Variants in RCOR1 observed in about 807,000 individuals in gnomAD.
RCOR1 encodes REST corepressor.
A neutral mutation model predicts 64.0 loss-of-function variants in RCOR1; 12 were observed. The observed-to-expected ratio is 0.19, with a 90% CI of 0.12 to 0.30. The LOEUF (loss-of-function observed/expected upper bound fraction) is 0.30, where lower values mean the gene tolerates loss of function less well. Among genes scored for constraint, RCOR1 ranks in the 10% least tolerant of loss-of-function variants. The pLI is 1.00. For missense variants in RCOR1, 502 were observed against 621.2 expected (o/e 0.81, Z 2.04); for synonymous variants, 279 against 227.2 (o/e 1.23, Z -2.05).
chr14:102,698,728 G>A (rs1017905389), intron 3 of RCOR1, among the ~76,000 whole-genome samples: 1 of 152,102 alleles, frequency 6.6e-6, no homozygotes, highest in Non-Finnish European at 1.5e-5. Flanking sequence ...GCTGCCATTT[G>A]CATCTCATCT....
At position 102,728,799 on chromosome 14, in the gene RCOR1, G is replaced by A. The variant is rs956561393; in HGVS notation, c.*2293G>A. 6.6e-6 allele frequency: 1 copy of A among 152,128 alleles called. No individual in the cohort carries two copies. The highest frequency in any genetic ancestry group is 1.5e-5 in the Non-Finnish European group (1 of 68,046). 9.4% of individuals were successfully genotyped at this position (152,128 alleles called of 1,614,324 possible). A position where few individuals can be genotyped will look rare whatever the true frequency, so the allele number is the denominator to read the frequency against. ...TGGGCTTTCTCCCCGAGAGGAAGGGGCATGTCATTTTTATTTGACAGAGGG... is the reference window on the plus strand; with the variant it reads ...TGGGCTTTCTCCCCGAGAGGAAGGGACATGTCATTTTTATTTGACAGAGGG... On this transcript the variant is annotated 3_prime_UTR_variant, in exon 12 of 12. Transcript: ENST00000262241.
intron 2 of RCOR1, among the ~76,000 whole-genome samples, chr14:102,618,463 C>T (rs1318406148): frequency 1.3e-5 from 2 of 151,812 alleles, no homozygotes; most frequent in Non-Finnish European, 2.9e-5. Flanking sequence ...AAAAAAAAAG[C>T]GCTGGGCATG....
At chr14:102,678,222 A>AGAGGGG in intron 2 of RCOR1, among the ~76,000 whole-genome samples, 1 of 147,250 alleles carries the variant, frequency 6.8e-6, no homozygotes, top group African/African-American at 2.5e-5. Context: ...GAGGGAGACG[A>AGAGGGG]GAGGGAGAGG....
At chr14:102,637,325 C>T (rs1033371636) in intron 2 of RCOR1, among the ~76,000 whole-genome samples, 1 of 151,894 alleles carries the variant, frequency 6.6e-6, no homozygotes, top group Non-Finnish European at 1.5e-5. Flanking sequence ...CGGGGTTTTA[C>T]TATGTTGGTG....
chr14:102,684,565 T>C (rs2139963562), intron 3 of RCOR1, among the ~76,000 whole-genome samples: 1 of 152,294 alleles, frequency 6.6e-6, no homozygotes, highest in East Asian at 1.9e-4. Context: ...AGCAATGATT[T>C]CTACTCTGGG....
At chr14:102,642,877 A>G (rs1370132052) in intron 2 of RCOR1, among the ~76,000 whole-genome samples, 1 of 152,090 alleles carries the variant, frequency 6.6e-6, no homozygotes, top group Non-Finnish European at 1.5e-5. Context: ...ATCGGCAGAA[A>G]AGTATTCTGA....
At chr14:102,685,089 C>T (rs199946487) in intron 3 of RCOR1, among the ~76,000 whole-genome samples, 10 of 149,270 alleles carry the variant, frequency 6.7e-5, no homozygotes, top group African/African-American at 1.7e-4. Context: ...TTTTTTTTTT[C>T]CTCTTCTTTT....
rs1896338795 is a variant in RCOR1, at chr14:102,729,975, TC to T, written c.*3471del. ...TAGCCAGGTCACCTAAACCTAGTGG[TC>T]CTGTGCGATGCTCTTTCTGCCAGTC... On this transcript the variant is annotated 3_prime_UTR_variant, in exon 12 of 12. Coordinates refer to ENST00000262241, the MANE Select transcript of RCOR1 (RefSeq NM_015156.4). 7.5e-6 allele frequency: 3 copies of T among 399,064 alleles called. 1 individual carries two copies. The highest frequency in any genetic ancestry group is 1.3e-5 in the Non-Finnish European group (3 of 226,070). The allele number at this position is 399,064 out of a possible 1,614,324, so 24.7% of individuals were successfully genotyped here. A position where few individuals can be genotyped will look rare whatever the true frequency, so the allele number is the denominator to read the frequency against.
In RCOR1 at chr14:102,592,792, C is replaced by T; in HGVS notation, c.-95C>T. 7 of 1,186,164 alleles carry T rather than the reference C, an allele frequency of 5.9e-6. No homozygotes were observed. Among genetic ancestry groups the T allele is most frequent in the Non-Finnish European group, 7.3e-6 (7 of 958,388 alleles). 73.5% of individuals were successfully genotyped at this position (1,186,164 alleles called of 1,614,324 possible). Reference sequence around the variant, plus strand: ...GTGGGCTCCCGCCGCGCCCGCCCGGCCCCGCGCCGGCCCCGCGCCCCCTCC... The same window carrying T: ...GTGGGCTCCCGCCGCGCCCGCCCGGTCCCGCGCCGGCCCCGCGCCCCCTCC... On this transcript the variant is annotated 5_prime_UTR_variant, in exon 1 of 12. Coordinates refer to ENST00000262241, the MANE Select transcript of RCOR1 (RefSeq NM_015156.4).
In RCOR1 at chr14:102,729,120, A is replaced by G. The variant is rs1896322846; in HGVS notation, c.*2614A>G. 1 of 152,656 alleles carries G rather than the reference A, an allele frequency of 6.6e-6. No individual in the cohort carries two copies. 9.5% of individuals were successfully genotyped at this position (152,656 alleles called of 1,614,324 possible). A position where few individuals can be genotyped will look rare whatever the true frequency, so the allele number is the denominator to read the frequency against. On this transcript the variant is annotated 3_prime_UTR_variant, in exon 12 of 12. Coordinates refer to ENST00000262241, the MANE Select transcript of RCOR1 (RefSeq NM_015156.4). ...GTCATAATTATATATATTTTTGTGG[A>G]AAATTTTCTCCTAAGTATAAGTTAT...
intron 3 of RCOR1, among the ~76,000 whole-genome samples, chr14:102,693,978 G>A (rs1417910243): frequency 6.6e-6 from 1 of 152,052 alleles, no homozygotes; most frequent in Admixed American, 6.6e-5. Flanking sequence ...GGCTATAAGT[G>A]TGAGCCACTG....
intron 2 of RCOR1, among the ~76,000 whole-genome samples, chr14:102,606,473 G>A (rs985385291): frequency 6.6e-6 from 1 of 152,176 alleles, no homozygotes; most frequent in Non-Finnish European, 1.5e-5. Context: ...CGTGGATATA[G>A]GGAGTTCAGC....
intron 2 of RCOR1, among the ~76,000 whole-genome samples, chr14:102,653,186 T>C (rs1184131934): frequency 6.6e-6 from 1 of 152,062 alleles, no homozygotes; most frequent in Non-Finnish European, 1.5e-5. Context: ...CCTCCCAAAG[T>C]GCTGGGATTA....
chr14:102,650,841 A>G, intron 2 of RCOR1: 1 of 227,388 alleles, frequency 4.4e-6, no homozygotes. Flanking sequence ...TTAGGAACTG[A>G]CTTGAGATAT....
At chr14:102,630,001 A>T in intron 2 of RCOR1, 1 of 977,258 alleles carries the variant, frequency 1.0e-6, no homozygotes, top group Non-Finnish European at 1.2e-6. Flanking sequence ...TGTGTAAGGC[A>T]GAAGTGGGGA....
At chr14:102,681,311 C>T (rs562542254) in intron 2 of RCOR1, among the ~76,000 whole-genome samples, 197 of 152,284 alleles carry the variant, frequency 1.3e-3, no homozygotes, top group African/African-American at 4.2e-3. Context: ...GAGTCTTTGC[C>T]TTCTGAAGAT....
Position 102,593,310 on chromosome 14 carries a change from C to T in RCOR1, c.346C>T (p.Pro116Ser). 1 of 1,547,412 alleles carries T rather than the reference C, an allele frequency of 6.5e-7. No homozygotes were observed. The highest frequency in any genetic ancestry group is 1.2e-5 in the South Asian group (1 of 84,090). The change falls in exon 2 of 12, where the codon CCC becomes TCC. Residue 116 changes from proline (P) to serine (S), a missense_variant. Pro to Ser is a moderately conservative substitution (Grantham distance 74, BLOSUM62 -1). Transcript: ENST00000262241. ...CGGACCCCAGTACCAGGCGGTGGTG[C>T]CCGACTTCGACCCCGGTGAGTAGCG... Reference protein sequence around the residue: ...RVGPQYQAVVPDFDPAKLARR... With the variant: ...RVGPQYQAVVSDFDPAKLARR...
intron 2 of RCOR1, among the ~76,000 whole-genome samples, chr14:102,641,711 A>G (rs1057090171): frequency 1.0e-3 from 158 of 152,300 alleles, no homozygotes; most frequent in Non-Finnish European, 1.7e-3. Context: ...TTTTACTCAT[A>G]TAAGGAAAGT....
chr14:102,600,140 G>A (rs1893359663), intron 2 of RCOR1, among the ~76,000 whole-genome samples: 1 of 152,164 alleles, frequency 6.6e-6, no homozygotes, highest in African/African-American at 2.4e-5. Context: ...GTGCTGGAGT[G>A]CAGTGGCGCG....
Sources: allele counts gnomAD v4.1 joint callset (sites outside exome capture counted in the v4.1 genomes callset), GRCh38; gene constraint gnomAD v4.1.1; transcripts MANE v1.5; gene names NCBI Gene and HGNC (gene_info 2026-07-23, HGNC 2026-07-21).